The following PIK3R3 variants were observed in gnomAD, a reference collection of about 807,000 sequenced individuals.
The protein encoded by PIK3R3 is phosphatidylinositol 3-kinase regulatory subunit gamma.
A neutral mutation model predicts 62.9 loss-of-function variants in PIK3R3; 64 were observed. The ratio of observed to expected loss-of-function variants is 1.02; its 90% CI spans 0.83 to 1.25. The LOEUF (loss-of-function observed/expected upper bound fraction) is 1.25. Among genes scored for constraint, PIK3R3 ranks in the 50% most tolerant of loss-of-function variants. The pLI is 0.00. For missense variants in PIK3R3, 614 were observed against 561.6 expected, an observed-to-expected ratio of 1.09 and a Z score of -0.94; for synonymous variants, 165 against 189.0, an observed-to-expected ratio of 0.87 and a Z score of 1.04.
chr1:46,107,938 T>C (rs971136838), intron 1 of PIK3R3, among the ~76,000 whole-genome samples: 4 of 152,248 alleles, frequency 2.6e-5, no homozygotes, highest in Non-Finnish European at 5.9e-5. Context: ...ATAATAGTTC[T>C]CTTTGCCATT....
At chr1:46,066,781 T>G (rs1305105992) in intron 4 of PIK3R3, 130 bp downstream of exon 4, 2 of 776,214 alleles carry the variant, frequency 2.6e-6, no homozygotes, top group Non-Finnish European at 4.3e-6. Context: ...ACAGAGACCC[T>G]GTCTCAAAGT....
chr1:46,101,063 T>G (rs1052843235), intron 1 of PIK3R3, among the ~76,000 whole-genome samples: 7 of 147,086 alleles, frequency 4.8e-5, no homozygotes, highest in African/African-American at 1.8e-4. Context: ...TCCCAGCTAC[T>G]CGGGTGGCTG....
intron 7 of PIK3R3, chr1:46,048,273 G>C (rs1052320328): frequency 2.6e-5 from 4 of 152,156 alleles, no homozygotes; most frequent in East Asian, 3.8e-4. Context: ...GGATCATCCT[G>C]TATCTCCCCA....
intron 2 of PIK3R3, among the ~76,000 whole-genome samples, chr1:46,079,576 T>C (rs1032449930): frequency 2.0e-5 from 3 of 152,190 alleles, no homozygotes; most frequent in Admixed American, 6.5e-5. Flanking sequence ...CTAAAACACA[T>C]GTAACTATCC....
Position 46,043,558 on chromosome 1 carries a change from C to T in PIK3R3, c.*115G>A. The T allele has an allele frequency of 7.3e-6, 7 of 963,044 alleles. No homozygotes were observed. The South Asian group carries it at 1.1e-4, about 15-fold the overall frequency. The allele number at this position is 963,044 out of a possible 1,614,324, so 59.7% of individuals were successfully genotyped here. On this transcript the variant is annotated 3_prime_UTR_variant, in exon 10 of 10. Coordinates refer to ENST00000262741, the MANE Select transcript of PIK3R3 (RefSeq NM_003629.4). The stretch of plus-strand genomic sequence containing the variant: ...GCTCGGCCTCTCCACTTCACATTCA[C>T]AAAATCACTTCTTGTGCAAAACAAG...
At chr1:46,087,230 C>T (rs1308790700) in intron 1 of PIK3R3, among the ~76,000 whole-genome samples, 2 of 151,376 alleles carry the variant, frequency 1.3e-5, no homozygotes, top group African/African-American at 4.9e-5. Context: ...CAAAACTGCA[C>T]GTTGTGCACA....
At chr1:46,097,000 AC>A (rs1652199320) in intron 1 of PIK3R3, among the ~76,000 whole-genome samples, 3 of 151,858 alleles carry the variant, frequency 2.0e-5, no homozygotes, top group Admixed American at 1.3e-4. Flanking sequence ...AAAAAAAAAA[AC>A]AGGAGGAAAA....
chr1:46,160,648 A>G, the PIK3R3 span, among the ~76,000 whole-genome samples: 1 of 152,226 alleles, frequency 6.6e-6, no homozygotes, highest in Non-Finnish European at 1.5e-5. Context: ...CCATCTCCAG[A>G]ACTACATTTT....
the PIK3R3 span, among the ~76,000 whole-genome samples, chr1:46,154,477 G>A: frequency 1.3e-5 from 2 of 152,180 alleles, no homozygotes; most frequent in Non-Finnish European, 2.9e-5. Context: ...GCTGAGGTGG[G>A]AGGATTGCTT....
At chr1:46,091,138 CT>C (rs148774563) in intron 1 of PIK3R3, among the ~76,000 whole-genome samples, 23,847 of 127,592 alleles carry the variant, frequency 0.19, 1,797 homozygotes, top group Non-Finnish European at 0.24. Flanking sequence ...AGCATTTTAA[CT>C]TTTTTTTTTT....
At chr1:46,144,057 A>G in the PIK3R3 span, among the ~76,000 whole-genome samples, 1 of 152,176 alleles carries the variant, frequency 6.6e-6, no homozygotes, top group Admixed American at 6.5e-5. Context: ...GTCCCTGGCC[A>G]TAGCTGGTAG....
chr1:46,056,693 G>A (rs1328260471), intron 6 of PIK3R3: 1 of 152,224 alleles, frequency 6.6e-6, no homozygotes, highest in Non-Finnish European at 1.5e-5. Flanking sequence ...CATCCCAGCA[G>A]CTATACTGTC....
At chr1:46,146,668 C>G in the PIK3R3 span, among the ~76,000 whole-genome samples, 2 of 144,188 alleles carry the variant, frequency 1.4e-5, no homozygotes, top group Non-Finnish European at 3.0e-5. Flanking sequence ...TAGGGACAGC[C>G]CCCCTCCCCT....
the PIK3R3 span, among the ~76,000 whole-genome samples, chr1:46,168,739 GT>G: frequency 2.0e-5 from 3 of 152,204 alleles, no homozygotes; most frequent in Non-Finnish European, 4.4e-5. Context: ...CAGCTGGAAA[GT>G]CCCCCTGCCC....
chr1:46,120,331 A>G (rs940311267), intron 1 of PIK3R3, among the ~76,000 whole-genome samples: 23 of 152,204 alleles, frequency 1.5e-4, no homozygotes, highest in Admixed American at 1.4e-3. Context: ...TAATCCCAGC[A>G]CTTTGGGAGG....
rs750217121 is a variant in PIK3R3 at position 46,062,045 on chromosome 1, T to C, written c.648A>G (p.Ile216Met). ...SQEIQMKRTA[I>M]EAFNETIKIF... ...TTTTAATTGTTTCATTAAAAGCTTCTATTGCAGTCCTCTTCATCTGTATTT... is the reference window on the plus strand; with the variant it reads ...TTTTAATTGTTTCATTAAAAGCTTCCATTGCAGTCCTCTTCATCTGTATTT... The change falls in exon 6 of 10, where the codon ATA (isoleucine) becomes ATG (methionine). Residue 216 changes from isoleucine to methionine, a missense_variant. Transcript: ENST00000262741. 2.8e-5 allele frequency: 45 copies of C among 1,611,566 alleles called. No individual in the cohort carries two copies. Among genetic ancestry groups the C allele is most frequent in the Non-Finnish European group, 3.6e-5 (43 of 1,178,374 alleles).
At chr1:46,105,440 G>A (rs1653112206) in intron 1 of PIK3R3, among the ~76,000 whole-genome samples, 1 of 151,852 alleles carries the variant, frequency 6.6e-6, no homozygotes. Context: ...GGAAGCGGAG[G>A]TTACGGTAAG....
intron 1 of PIK3R3, among the ~76,000 whole-genome samples, chr1:46,124,745 G>A (rs6669534): frequency 0.21 from 29,949 of 144,544 alleles, 3,490 homozygotes; most frequent in Middle Eastern, 0.27. Flanking sequence ...GCGGTGAGCC[G>A]AGCTCGCACC....
At chr1:46,092,381 T>G (rs2149430272) in intron 1 of PIK3R3, among the ~76,000 whole-genome samples, 1 of 151,986 alleles carries the variant, frequency 6.6e-6, no homozygotes, top group African/African-American at 2.4e-5. Context: ...GTTTTGTTTT[T>G]GAGACGGAGT....
Sources: allele counts gnomAD v4.1 joint callset (sites outside exome capture counted in the v4.1 genomes callset), GRCh38; gene constraint gnomAD v4.1.1; transcripts MANE v1.5; gene names NCBI Gene and HGNC (gene_info 2026-07-23, HGNC 2026-07-21).